Variants in HCN1 observed in about 807,000 individuals in gnomAD.
The protein encoded by HCN1 is potassium/sodium hyperpolarization-activated cyclic nucleotide-gated channel 1.
HCN1 carries 13 observed loss-of-function variants against 78.9 expected under a neutral mutation model. The ratio of observed to expected loss-of-function variants is 0.16; its 90% confidence interval spans 0.11 to 0.26. The LOEUF is 0.26. Among genes scored for constraint, HCN1 ranks in the 10% least tolerant of loss-of-function variants. The probability of loss-of-function intolerance (pLI) is 1.00; values close to 1 mark genes in which losing one functional copy is unlikely to be tolerated. For synonymous variants in HCN1, 552 were observed against 455.5 expected (o/e 1.21, Z -2.70); for missense variants, 810 against 1,154.3 (o/e 0.70, Z 4.32).
At chr5:45,650,894 T>A (rs1470013297) in intron 1 of HCN1, among the ~76,000 whole-genome samples, 2 of 152,080 alleles carry the variant, frequency 1.3e-5, no homozygotes, top group Non-Finnish European at 2.9e-5. Flanking sequence ...CCCAGTTGCT[T>A]ACGTTATCTT....
At chr5:45,263,333 C>G (rs6864149) in intron 7 of HCN1, among the ~76,000 whole-genome samples, 41,310 of 151,732 alleles carry the variant, frequency 0.27, 6,985 homozygotes, top group African/African-American at 0.47. Flanking sequence ...CATGAGAAGA[C>G]TAAGAACAGT....
Position 45,305,045 on chromosome 5 carries a change from C to T in HCN1, c.1378-1206G>A, listed in dbSNP as rs191953524. On this transcript the variant is annotated intron_variant, in intron 5 of 7. Transcript: ENST00000303230. ...AGAAATTTCCTTACCAATTAGTTAC[C>T]CCAAAAAAGGTTGGGACTGCATTTG... is the stretch of plus-strand genomic sequence containing the variant. Among the ~76,000 whole-genome samples the T allele has an allele frequency of 1.1e-3, 161 of 152,126 alleles. 2 individuals carry two copies. Among genetic ancestry groups the T allele is most frequent in the Middle Eastern group, 6.8e-3 (2 of 294 alleles).
chr5:45,364,451 C>T (rs1247753242), intron 4 of HCN1, among the ~76,000 whole-genome samples: 2 of 151,858 alleles, frequency 1.3e-5, no homozygotes, highest in Admixed American at 1.3e-4. Context: ...AATGGTCCAG[C>T]AGAGAACAAA....
chr5:45,554,683 T>A (rs1743437091), intron 2 of HCN1, among the ~76,000 whole-genome samples: 1 of 151,478 alleles, frequency 6.6e-6, no homozygotes, highest in Admixed American at 6.6e-5. Context: ...CAGGAGAAAA[T>A]CAACAAAACC....
At chr5:45,603,069 G>A (rs987272940) in intron 2 of HCN1, among the ~76,000 whole-genome samples, 1 of 152,114 alleles carries the variant, frequency 6.6e-6, no homozygotes, top group South Asian at 2.1e-4. Context: ...CTTATAGTTC[G>A]ATATAAGTGG....
At chr5:45,437,145 C>T (rs533297904) in intron 3 of HCN1, among the ~76,000 whole-genome samples, 6 of 152,132 alleles carry the variant, frequency 3.9e-5, no homozygotes, top group Non-Finnish European at 8.8e-5. Context: ...ATTACATCAG[C>T]AAACATATGC....
rs1579759759 is a variant in HCN1, at chr5:45,258,665, T to C, written c.*3256A>G. ...TTTGCAGGGCCCAAGGCTATAAATA[T>C]GAATATATTTATACAAACCTATTTT... On this transcript the variant is annotated 3_prime_UTR_variant, in exon 8 of 8. Coordinates refer to ENST00000303230, the MANE Select transcript of HCN1 (RefSeq NM_021072.4). 2 of 152,190 alleles carry C rather than the reference T, an allele frequency of 1.3e-5. No individual in the cohort carries two copies. Among genetic ancestry groups the C allele is most frequent in the East Asian group, 3.9e-4 (2 of 5,158 alleles). The allele number at this position is 152,190 out of a possible 1,614,324, so 9.4% of individuals were successfully genotyped here. A position where few individuals can be genotyped will look rare whatever the true frequency, so the allele number is the denominator to read the frequency against.
intron 2 of HCN1, among the ~76,000 whole-genome samples, chr5:45,604,738 G>A (rs778032370): frequency 6.6e-6 from 1 of 151,894 alleles, no homozygotes; most frequent in South Asian, 2.1e-4. Context: ...AATTGAAAGA[G>A]CAGTAACAAC....
rs1218893074 is a variant in HCN1 at position 45,303,829 on chromosome 5, T to C, written c.1388A>G (p.Asn463Ser). 9.3e-6 allele frequency: 15 copies of C among 1,612,880 alleles called. No homozygotes were observed. Among genetic ancestry groups the C allele is most frequent in the Non-Finnish European group, 1.1e-5 (13 of 1,179,194 alleles). Residue 463 changes from asparagine to serine, a missense_variant, in exon 6 of 8, where the codon AAC (asparagine) becomes AGC (serine). Physicochemically the swap from Asn to Ser is conservative, Grantham distance 46. Around this residue, in one of 6 missense-constraint regions of HCN1, gnomAD observed 100 missense variants for 126.8 expected, o/e 0.79. Coordinates refer to ENST00000303230, the MANE Select transcript of HCN1 (RefSeq NM_021072.4). ...AGCCACCAGTTTCCGACAGTTGAAGTTGACTATCTCCTAAAGATGTCAAGA... is the reference window on the plus strand; with the variant it reads ...AGCCACCAGTTTCCGACAGTTGAAGCTGACTATCTCCTAAAGATGTCAAGA... ...LNDPLREEIVNFNCRKLVATM... is the reference protein window; with the variant it reads ...LNDPLREEIVSFNCRKLVATM...
chr5:45,477,593 TC>T (rs1306280378), intron 2 of HCN1, among the ~76,000 whole-genome samples: 1 of 152,004 alleles, frequency 6.6e-6, no homozygotes, highest in African/African-American at 2.4e-5. Context: ...GATAAATTAT[TC>T]AAAGAAGAAT....
intron 6 of HCN1, among the ~76,000 whole-genome samples, chr5:45,273,500 A>G (rs1744997810): frequency 6.6e-6 from 1 of 152,152 alleles, no homozygotes; most frequent in South Asian, 2.1e-4. Flanking sequence ...TTTGCAACTC[A>G]GAAATATTTT....
Position 45,646,415 on chromosome 5 carries a change from G to A in HCN1, c.426-807C>T, listed in dbSNP as rs193038482. Among the ~76,000 whole-genome samples, 236 of 136,460 alleles carry A rather than the reference G, an allele frequency of 1.7e-3. 1 individual carries two copies. Among genetic ancestry groups the A allele is most frequent in the Admixed American group, 0.011 (141 of 12,740 alleles). The allele number at this position is 136,460 out of a possible 152,430, so 89.5% of individuals were successfully genotyped here. ...GACGGAGTTTCATTCTTGTTGCCCA[G>A]GTTGGAGTACAATGGCACAATCTCA... On this transcript the variant is annotated intron_variant, in intron 1 of 7. Coordinates refer to ENST00000303230, the MANE Select transcript of HCN1 (RefSeq NM_021072.4).
intron 6 of HCN1, among the ~76,000 whole-genome samples, chr5:45,288,290 C>A (rs1220204677): frequency 2.0e-5 from 3 of 151,980 alleles, no homozygotes; most frequent in Admixed American, 6.6e-5. Flanking sequence ...AAGTGCTTGG[C>A]CTTGAAAACA....
intron 6 of HCN1, among the ~76,000 whole-genome samples, chr5:45,286,335 A>G (rs1468849845): frequency 6.6e-6 from 1 of 152,020 alleles, no homozygotes; most frequent in Non-Finnish European, 1.5e-5. Context: ...TTTAAGAAGT[A>G]CTAGACCAAA....
chr5:45,563,425 T>C (rs1018787956), intron 2 of HCN1, among the ~76,000 whole-genome samples: 1 of 151,980 alleles, frequency 6.6e-6, no homozygotes, highest in African/African-American at 2.4e-5. Flanking sequence ...CACTCCAGCC[T>C]GGAGGACAAA....
chr5:45,373,599 G>C (rs182015661), intron 4 of HCN1, among the ~76,000 whole-genome samples: 1 of 131,298 alleles, frequency 7.6e-6, no homozygotes, highest in Non-Finnish European at 1.6e-5. Context: ...ATTACATACG[G>C]TATATACGTC....
At chr5:45,597,970 G>A (rs190865028) in intron 2 of HCN1, among the ~76,000 whole-genome samples, 2 of 152,198 alleles carry the variant, frequency 1.3e-5, no homozygotes, top group South Asian at 2.1e-4. Flanking sequence ...AATCAACATC[G>A]TGAAAATGGC....
intron 2 of HCN1, among the ~76,000 whole-genome samples, chr5:45,472,507 A>G (rs1741411376): frequency 7.1e-6 from 1 of 139,862 alleles, no homozygotes; most frequent in South Asian, 2.7e-4. Context: ...GGGAAAGACA[A>G]GATGGAGGGA....
At chr5:45,565,400 G>C (rs1579972490) in intron 2 of HCN1, among the ~76,000 whole-genome samples, 1 of 152,088 alleles carries the variant, frequency 6.6e-6, no homozygotes, top group Non-Finnish European at 1.5e-5. Flanking sequence ...GAATATATTT[G>C]CATGTATAAT....
Sources: gnomAD v4.1 joint callset for allele counts (sites outside exome capture counted in the v4.1 genomes callset) on GRCh38, gnomAD v4.1.1 for gene constraint, gnomAD v4.1.1 regional missense constraint, MANE v1.5 for transcripts, NCBI Gene and HGNC (gene_info 2026-07-23, HGNC 2026-07-21) for gene names.